SPRYD7: variants seen among roughly 807,000 people sequenced by gnomAD.
The protein encoded by SPRYD7 is SPRY domain containing 7.
A neutral mutation model predicts 23.8 loss-of-function variants in SPRYD7; 14 were observed. The observed-to-expected ratio is 0.59, with a 90% confidence interval of 0.39 to 0.92. The LOEUF (loss-of-function observed/expected upper bound fraction) is 0.92. Among genes scored for constraint, SPRYD7 ranks in the 40% least tolerant of loss-of-function variants. SPRYD7 has a pLI of 0.00. For missense variants in SPRYD7, 194 were observed against 241.7 expected (o/e 0.80, Z 1.31); for synonymous variants, 75 against 84.9 (o/e 0.88, Z 0.64).
At chr13:49,924,141 C>T (rs905472077) in intron 3 of SPRYD7, among the ~76,000 whole-genome samples, 3 of 152,120 alleles carry the variant, frequency 2.0e-5, no homozygotes, top group African/African-American at 7.2e-5. Flanking sequence ...CACCACTACG[C>T]CTGGCTAATT....
chr13:49,917,102 GT>G (rs1315612149), intron 4 of SPRYD7, among the ~76,000 whole-genome samples: 1 of 151,704 alleles, frequency 6.6e-6, no homozygotes, highest in Non-Finnish European at 1.5e-5. Flanking sequence ...TTTTTGTTTT[GT>G]TTTGTTGTTT....
chr13:49,928,296 G>T (rs1955906745), intron 2 of SPRYD7, among the ~76,000 whole-genome samples: 1 of 152,186 alleles, frequency 6.6e-6, no homozygotes, highest in Admixed American at 6.5e-5. Context: ...ACAAAAATTA[G>T]TTGGGCATGG....
chr13:49,915,485 T>C lies in SPRYD7; in HGVS notation c.494-325A>G, dbSNP rs542581551. 1.8e-4 allele frequency among the ~76,000 whole-genome samples: 28 copies of C among 152,320 alleles called. No homozygotes were observed. The South Asian group carries it at 3.1e-3, about 17-fold the overall frequency. On this transcript the variant is annotated intron_variant, in intron 4 of 4. Transcript: ENST00000361840. ...CTCAATTTTATATAATTAAGACATA[T>C]TACTTTTTAAAAAAATGTTTAACTT...
At chr13:49,932,969 C>G (rs919220463) in intron 1 of SPRYD7, among the ~76,000 whole-genome samples, 19 of 152,142 alleles carry the variant, frequency 1.2e-4, no homozygotes, top group African/African-American at 4.6e-4. Flanking sequence ...GTAATTTCAA[C>G]TGGAGAGCAT....
intron 1 of SPRYD7, among the ~76,000 whole-genome samples, chr13:49,933,593 T>G (rs1361559226): frequency 1.4e-5 from 2 of 144,940 alleles, no homozygotes; most frequent in Non-Finnish European, 3.0e-5. Flanking sequence ...CAGAGCGAGA[T>G]TCCCTCTCAA....
At chr13:49,919,368 A>T (rs563486891) in intron 4 of SPRYD7, among the ~76,000 whole-genome samples, 2 of 152,174 alleles carry the variant, frequency 1.3e-5, no homozygotes, top group South Asian at 4.1e-4. Context: ...ACATGGTGAA[A>T]CCCCATCTCT....
At chr13:49,918,459 A>G (rs1343978051) in intron 4 of SPRYD7, among the ~76,000 whole-genome samples, 1 of 145,198 alleles carries the variant, frequency 6.9e-6, no homozygotes, top group Non-Finnish European at 1.5e-5. Context: ...CCCAGGCTGG[A>G]GCACAGTGGT....
intron 2 of SPRYD7, among the ~76,000 whole-genome samples, chr13:49,930,734 A>C (rs1955938707): frequency 6.6e-6 from 1 of 152,200 alleles, no homozygotes; most frequent in African/African-American, 2.4e-5. Flanking sequence ...CTAGTGCCTT[A>C]TATTTATGCA....
intron 2 of SPRYD7, among the ~76,000 whole-genome samples, chr13:49,929,158 T>G (rs766327117): frequency 6.6e-6 from 1 of 152,086 alleles, no homozygotes; most frequent in East Asian, 1.9e-4. Flanking sequence ...TTAAAACTAA[T>G]TTAGAGCTAG....
chr13:49,928,480 C>T (rs1955909358), intron 2 of SPRYD7, among the ~76,000 whole-genome samples: 1 of 152,146 alleles, frequency 6.6e-6, no homozygotes, highest in African/African-American at 2.4e-5. Context: ...GCAAACTATA[C>T]TATGTTCTCC....
intron 1 of SPRYD7, among the ~76,000 whole-genome samples, chr13:49,933,700 A>G (rs1871486967): frequency 6.6e-6 from 1 of 152,164 alleles, no homozygotes; most frequent in Non-Finnish European, 1.5e-5. Flanking sequence ...TCTTAAGTAC[A>G]CAGACGGTTT....
At chr13:49,931,172 T>TTTTCA (rs1566407781) in intron 1 of SPRYD7, 38 bp from the exon 2 acceptor site, 1 of 1,157,702 alleles carries the variant, frequency 8.6e-7, no homozygotes, top group Admixed American at 2.1e-5. Context: ...AAGTTTTGTA[T>TTTTCA]TTTCTTTTCT....
At chr13:49,929,158 T>C (rs766327117) in intron 2 of SPRYD7, among the ~76,000 whole-genome samples, 1 of 152,086 alleles carries the variant, frequency 6.6e-6, no homozygotes, top group Non-Finnish European at 1.5e-5. Flanking sequence ...TTAAAACTAA[T>C]TTAGAGCTAG....
intron 4 of SPRYD7, among the ~76,000 whole-genome samples, chr13:49,919,962 C>T (rs1028911173): frequency 4.6e-5 from 7 of 151,620 alleles, no homozygotes; most frequent in African/African-American, 1.2e-4. Context: ...AGATGAAACC[C>T]GATTGGTTAC....
At chr13:49,920,230 G>C (rs952439194) in intron 4 of SPRYD7, among the ~76,000 whole-genome samples, 1 of 151,254 alleles carries the variant, frequency 6.6e-6, no homozygotes, top group Non-Finnish European at 1.5e-5. Context: ...CAGCCTGGGG[G>C]ACACAGCAAG....
chr13:49,925,462 G>A (rs1354872605), intron 3 of SPRYD7, among the ~76,000 whole-genome samples: 1 of 152,036 alleles, frequency 6.6e-6, no homozygotes, highest in Non-Finnish European at 1.5e-5. Context: ...TTCTCTAAAA[G>A]TAAACTGATA....
Position 49,914,207 on chromosome 13 carries a change from C to T in SPRYD7, c.*856G>A, listed in dbSNP as rs953177214. Reference sequence around the variant, plus strand: ...TCACTTATCTCTGAACTGAAATAATCACGGGTGATGTGAATTTAGTGTATA... The same window carrying T: ...TCACTTATCTCTGAACTGAAATAATTACGGGTGATGTGAATTTAGTGTATA... On this transcript the variant is annotated 3_prime_UTR_variant, in exon 5 of 5. Transcript: ENST00000361840. The T allele has an allele frequency of 1.6e-4, 24 of 153,710 alleles. No individual in the cohort carries two copies. The highest frequency in any genetic ancestry group is 5.8e-4 in the African/African-American group (24 of 41,442). The allele number at this position is 153,710 out of a possible 1,614,324, so 9.5% of individuals were successfully genotyped here.
At chr13:49,921,917 T>C (rs1419856816) in intron 3 of SPRYD7, among the ~76,000 whole-genome samples, 1 of 152,216 alleles carries the variant, frequency 6.6e-6, no homozygotes, top group Admixed American at 6.5e-5. Flanking sequence ...TTTACACTCA[T>C]ACAGAAAACG....
intron 4 of SPRYD7, among the ~76,000 whole-genome samples, chr13:49,919,594 ATACACACC>A (rs1955793895): frequency 1.3e-5 from 2 of 151,154 alleles, no homozygotes; most frequent in African/African-American, 4.9e-5. Context: ...GGGTGTGGTG[ATACACACC>A]TGTAATCCCA....
Sources: allele counts gnomAD v4.1 joint callset (sites outside exome capture counted in the v4.1 genomes callset), GRCh38; gene constraint gnomAD v4.1.1; transcripts MANE v1.5; gene names NCBI Gene and HGNC (gene_info 2026-07-23, HGNC 2026-07-21).